Variants in SPOCK1 observed in about 807,000 individuals in gnomAD.
SPOCK1 encodes the protein testican-1.
Under a neutral mutation model 55.3 loss-of-function variants are expected in SPOCK1, and 23 were observed. The observed-to-expected ratio is 0.42, with a 90% confidence interval of 0.30 to 0.59. The LOEUF (loss-of-function observed/expected upper bound fraction) is 0.59. SPOCK1 is among the 20% of genes least tolerant of loss of function. The pLI is 0.22. For synonymous variants in SPOCK1, 226 were observed against 221.0 expected, an observed-to-expected ratio of 1.02 and a Z score of -0.20; for missense variants, 499 against 552.5, an observed-to-expected ratio of 0.90 and a Z score of 0.97.
chr5:137,269,892 C>T (rs1756928006), intron 2 of SPOCK1, among the ~76,000 whole-genome samples: 1 of 152,076 alleles, frequency 6.6e-6, no homozygotes. Context: ...GGGCCTAAGA[C>T]TCAGGTGGCA....
chr5:137,086,539 A>G (rs573309570), intron 5 of SPOCK1, among the ~76,000 whole-genome samples: 4 of 152,222 alleles, frequency 2.6e-5, no homozygotes, highest in African/African-American at 9.6e-5. Context: ...ACAGAACCCA[A>G]ATTGAATAAA....
chr5:137,277,256 C>T (rs917079384), intron 2 of SPOCK1, among the ~76,000 whole-genome samples: 1 of 152,160 alleles, frequency 6.6e-6, no homozygotes, highest in Non-Finnish European at 1.5e-5. Context: ...CTCATGTGAT[C>T]CTCCTGCCTC....
chr5:137,226,081 G>C (rs1029455606), intron 3 of SPOCK1, among the ~76,000 whole-genome samples: 1 of 152,154 alleles, frequency 6.6e-6, no homozygotes, highest in Admixed American at 6.5e-5. Flanking sequence ...TGGGGTTTTT[G>C]ACACAAGACT....
intron 3 of SPOCK1, among the ~76,000 whole-genome samples, chr5:137,253,321 C>T (rs1410358595): frequency 6.6e-6 from 1 of 152,100 alleles, no homozygotes; most frequent in East Asian, 1.9e-4. Context: ...CTTTCTTACT[C>T]CCTTGTATTT....
At chr5:137,039,925 C>T (rs1751963003) in intron 6 of SPOCK1, among the ~76,000 whole-genome samples, 1 of 152,238 alleles carries the variant, frequency 6.6e-6, no homozygotes, top group Non-Finnish European at 1.5e-5. Flanking sequence ...AATATCCCTG[C>T]AGGCAACCCA....
chr5:137,423,203 G>T lies in SPOCK1; in HGVS notation c.186+75170C>A, dbSNP rs558412962. On this transcript the variant is annotated intron_variant, in intron 2 of 10. Transcript: ENST00000394945. ...GGTGTCAGTCTGCCCCTACTGGGGG[G>T]TGCCTCCCAGTTAGGCTACTTAGGG... is the stretch of plus-strand genomic sequence containing the variant. 7.2e-5 allele frequency among the ~76,000 whole-genome samples: 11 copies of T among 152,332 alleles called. No individual in the cohort carries two copies. The East Asian group carries it at 1.7e-3, about 24-fold the overall frequency.
At chr5:137,230,898 C>CATTCCATTTTCCTT (rs1309400767) in intron 3 of SPOCK1, among the ~76,000 whole-genome samples, 110 of 152,064 alleles carry the variant, frequency 7.2e-4, no homozygotes, top group African/African-American at 1.1e-3. Flanking sequence ...TCTTACAAAA[C>CATTCCATTTTCCTT]TAAGTATAAC....
chr5:137,254,567 A>G (rs182887452), intron 3 of SPOCK1, among the ~76,000 whole-genome samples: 1 of 152,364 alleles, frequency 6.6e-6, no homozygotes, highest in South Asian at 2.1e-4. Context: ...CAGCATCCAT[A>G]CGCGTTTGAG....
intron 6 of SPOCK1, among the ~76,000 whole-genome samples, chr5:137,022,020 T>A (rs1206894046): frequency 6.6e-6 from 1 of 152,194 alleles, no homozygotes; most frequent in Non-Finnish European, 1.5e-5. Context: ...CTTGGCACAC[T>A]TGCTTAGAGA....
chr5:136,988,394 G>A, intron 8 of SPOCK1, 28 bp downstream of exon 8: 1 of 1,600,482 alleles, frequency 6.2e-7, no homozygotes. Flanking sequence ...CCCTGGGCTA[G>A]GGACCCCAAC....
At chr5:136,981,152 A>G (rs1044760844) in intron 9 of SPOCK1, among the ~76,000 whole-genome samples, 21 of 152,174 alleles carry the variant, frequency 1.4e-4, no homozygotes, top group Non-Finnish European at 2.6e-4. Flanking sequence ...GGGGCTGAGC[A>G]GTCTGTTCAT....
chr5:137,476,646 T>C (rs182545505), intron 2 of SPOCK1, among the ~76,000 whole-genome samples: 153 of 152,244 alleles, frequency 1.0e-3, no homozygotes, highest in African/African-American at 3.5e-3. Flanking sequence ...CATTTTTGGC[T>C]GGACACGGTG....
chr5:137,267,041 T>C lies in SPOCK1; in HGVS notation c.201A>G (p.Arg67=). 6.2e-7 allele frequency: 1 copy of C among 1,613,008 alleles called. No homozygotes were observed. Among genetic ancestry groups the C allele is most frequent in the African/African-American group, 1.3e-5 (1 of 75,014 alleles). The change falls in exon 3 of 11, where the codon AGA becomes AGG. Residue 67 remains arginine (R), a synonymous_variant. Transcript: ENST00000394945. ...CAAAGGGCTTGTTGGGATTCCAGTT[T>C]CTGAAATAATCATCCTATATAAGGA... The part of the protein sequence containing the change: ...WNRFRDDDYF[R]NWNPNKPFDQ...
At position 137,480,303 on chromosome 5, in the gene SPOCK1, T is replaced by TCACACA. The variant is rs6149262; in HGVS notation, c.186+18064_186+18069dup. 0.016 allele frequency among the ~76,000 whole-genome samples: 2,257 copies of TCACACA among 140,160 alleles called. 86 individuals are homozygous for TCACACA. The East Asian group carries it at 0.17, about 10-fold the overall frequency. 92.0% of individuals were successfully genotyped at this position (140,160 alleles called of 152,430 possible). A position where few individuals can be genotyped will look rare whatever the true frequency, so the allele number is the denominator to read the frequency against. ...CTGCAGCTGTTCACGTTGCTCTCCT[T>TCACACA]CACACACACACACACACACACACAC... On this transcript the variant is annotated intron_variant, in intron 2 of 10. Coordinates refer to ENST00000394945, the MANE Select transcript of SPOCK1 (RefSeq NM_004598.4).
At chr5:137,383,505 T>G (rs1751523454) in intron 2 of SPOCK1, among the ~76,000 whole-genome samples, 1 of 152,140 alleles carries the variant, frequency 6.6e-6, no homozygotes, top group Admixed American at 6.5e-5. Context: ...CCCCCAAGAA[T>G]GCAGCCAGCC....
At chr5:137,462,517 T>C (rs1408592775) in intron 2 of SPOCK1, among the ~76,000 whole-genome samples, 5 of 152,172 alleles carry the variant, frequency 3.3e-5, no homozygotes, top group African/African-American at 1.2e-4. Flanking sequence ...CTGCCAGGCT[T>C]GGAACCCCAG....
At position 137,181,964 on chromosome 5, in the gene SPOCK1, C is replaced by CA. The variant is rs148116400; in HGVS notation, c.233-41271dup. Among the ~76,000 whole-genome samples, 557 of 152,286 alleles carry CA rather than the reference C, an allele frequency of 3.7e-3. 4 individuals are homozygous for CA. Among genetic ancestry groups the CA allele is most frequent in the African/African-American group, 0.013 (545 of 41,558 alleles). On this transcript the variant is annotated intron_variant, in intron 3 of 10. Coordinates refer to ENST00000394945, the MANE Select transcript of SPOCK1 (RefSeq NM_004598.4). Reference sequence around the variant, plus strand: ...CCAAGGCACTCCTCTGCTGAACCTCCACTGGTAGCAAAAAGGGACATGAAG... The same window carrying CA: ...CCAAGGCACTCCTCTGCTGAACCTCCAACTGGTAGCAAAAAGGGACATGAAG...
At chr5:136,990,724 T>C (rs914476295) in intron 7 of SPOCK1, among the ~76,000 whole-genome samples, 1 of 152,162 alleles carries the variant, frequency 6.6e-6, no homozygotes, top group Non-Finnish European at 1.5e-5. Context: ...ATATTTTACA[T>C]ACATCAATTT....
At chr5:137,204,367 G>A (rs569879915) in intron 3 of SPOCK1, among the ~76,000 whole-genome samples, 6 of 152,198 alleles carry the variant, frequency 3.9e-5, no homozygotes, top group African/African-American at 4.8e-5. Flanking sequence ...CTGGGAGAGC[G>A]CACTGTCTCA....
Sources: allele counts gnomAD v4.1 joint callset (sites outside exome capture counted in the v4.1 genomes callset), GRCh38; gene constraint gnomAD v4.1.1; transcripts MANE v1.5; gene names NCBI Gene and HGNC (gene_info 2026-07-23, HGNC 2026-07-21).